Variants in SGCZ observed in about 807,000 individuals in gnomAD.
SGCZ encodes sarcoglycan zeta.
SGCZ carries 40 observed loss-of-function variants against 41.3 expected under a neutral mutation model. That is an observed-to-expected ratio of 0.97 (90% CI 0.75 to 1.26). SGCZ has a LOEUF of 1.26. Ranked by LOEUF, SGCZ falls within the 50% of genes most tolerant of loss-of-function variation. SGCZ has a pLI of 0.00. For synonymous variants in SGCZ, 206 were observed against 137.5 expected, an observed-to-expected ratio of 1.50 and a Z score of -3.49; for missense variants, 552 against 369.8, an observed-to-expected ratio of 1.49 and a Z score of -4.04.
At chr8:14,842,361 C>G (rs1351669535) in intron 1 of SGCZ, among the ~76,000 whole-genome samples, 3 of 130,130 alleles carry the variant, frequency 2.3e-5, no homozygotes, top group Non-Finnish European at 5.0e-5. Flanking sequence ...AGGAAGGAAA[C>G]AAGAAAAAAG....
intron 1 of SGCZ, among the ~76,000 whole-genome samples, chr8:14,594,156 C>T (rs1384830700): frequency 6.6e-6 from 1 of 150,548 alleles, no homozygotes; most frequent in African/African-American, 2.4e-5. Flanking sequence ...GCCTGGGCAA[C>T]AGAGCAAGAC....
At chr8:15,006,070 A>T (rs1261439792) in intron 1 of SGCZ, among the ~76,000 whole-genome samples, 1 of 152,074 alleles carries the variant, frequency 6.6e-6, no homozygotes, top group African/African-American at 2.4e-5. Context: ...GACTAGGCTG[A>T]CTCCACCTGT....
At chr8:14,130,447 T>G (rs1344719560) in intron 5 of SGCZ, among the ~76,000 whole-genome samples, 2 of 152,090 alleles carry the variant, frequency 1.3e-5, no homozygotes, top group Non-Finnish European at 2.9e-5. Flanking sequence ...GTGAGCAAGA[T>G]AGCTGACTAG....
intron 1 of SGCZ, among the ~76,000 whole-genome samples, chr8:14,971,639 T>C (rs1208091066): frequency 7.0e-6 from 1 of 143,682 alleles, no homozygotes; most frequent in African/African-American, 2.6e-5. Flanking sequence ...TTACTCATTT[T>C]ATATACTTTT....
chr8:14,421,929 C>A (rs1799647990), intron 2 of SGCZ, among the ~76,000 whole-genome samples: 1 of 152,048 alleles, frequency 6.6e-6, no homozygotes, highest in Admixed American at 6.6e-5. Context: ...TGGGCCAAGA[C>A]TTTTTTGGCT....
intron 1 of SGCZ, among the ~76,000 whole-genome samples, chr8:14,575,567 C>T (rs189702261): frequency 4.5e-4 from 68 of 152,160 alleles, no homozygotes; most frequent in Non-Finnish European, 8.2e-4. Flanking sequence ...TTTTCATTAA[C>T]AGAAAATGTG....
At chr8:14,620,523 T>A (rs1285622114) in intron 1 of SGCZ, among the ~76,000 whole-genome samples, 1 of 151,828 alleles carries the variant, frequency 6.6e-6, no homozygotes, top group Admixed American at 6.6e-5. Flanking sequence ...TGGGAGAAAA[T>A]TTTTGCAACC....
intron 2 of SGCZ, among the ~76,000 whole-genome samples, chr8:14,402,769 C>T (rs979460993): frequency 9.5e-5 from 14 of 147,534 alleles, no homozygotes; most frequent in South Asian, 2.1e-4. Flanking sequence ...CTTGGCCATG[C>T]GGGCTCTTTT....
chr8:14,789,208 G>C (rs919348778), intron 1 of SGCZ, among the ~76,000 whole-genome samples: 1 of 151,824 alleles, frequency 6.6e-6, no homozygotes, highest in South Asian at 2.1e-4. Context: ...CATCCACCAG[G>C]AGCACAAGAT....
intron 1 of SGCZ, among the ~76,000 whole-genome samples, chr8:14,588,020 C>T (rs189888499): frequency 7.8e-4 from 118 of 151,870 alleles, no homozygotes; most frequent in African/African-American, 2.7e-3. Context: ...AAAAGTTGAG[C>T]GATAATATTA....
chr8:14,163,331 G>A (rs745642548), intron 5 of SGCZ, among the ~76,000 whole-genome samples: 8 of 151,918 alleles, frequency 5.3e-5, no homozygotes, highest in East Asian at 1.9e-4. Flanking sequence ...ACTTCCGCCC[G>A]CTTACAGGCT....
chr8:14,204,480 A>AAGG (rs1341347256), intron 4 of SGCZ, among the ~76,000 whole-genome samples: 1 of 152,114 alleles, frequency 6.6e-6, no homozygotes, highest in Non-Finnish European at 1.5e-5. Flanking sequence ...GCCTTGAAGC[A>AAGG]CGTAAGGTAA....
chr8:14,448,854 C>A (rs530037915), intron 2 of SGCZ, among the ~76,000 whole-genome samples: 138 of 152,302 alleles, frequency 9.1e-4, no homozygotes, highest in Non-Finnish European at 1.4e-3. Flanking sequence ...GATATCTACA[C>A]TGACATAGCT....
intron 1 of SGCZ, among the ~76,000 whole-genome samples, chr8:15,204,823 C>T (rs1801008400): frequency 6.6e-6 from 1 of 152,114 alleles, no homozygotes; most frequent in African/African-American, 2.4e-5. Context: ...TGTTTAACTA[C>T]CACTCTGTCC....
chr8:14,815,203 G>T (rs1424576833), intron 1 of SGCZ, among the ~76,000 whole-genome samples: 1 of 151,072 alleles, frequency 6.6e-6, no homozygotes, highest in Middle Eastern at 3.5e-3. Context: ...AAATTTTTCT[G>T]CAGAATAATT....
At chr8:14,941,920 G>C (rs1014510837) in intron 1 of SGCZ, among the ~76,000 whole-genome samples, 2 of 151,600 alleles carry the variant, frequency 1.3e-5, no homozygotes, top group Middle Eastern at 3.5e-3. Flanking sequence ...GAAGGAAAAA[G>C]TTAAAATATA....
rs147191579 is a variant in SGCZ, at chr8:14,463,208, T to C, written c.234+91524A>G. ...CTGGTTAGAATTTCTAATATTATGTTGAATAATATTAGAATGGAATCTCAT... is the reference window on the plus strand; with the variant it reads ...CTGGTTAGAATTTCTAATATTATGTCGAATAATATTAGAATGGAATCTCAT... On this transcript the variant is annotated intron_variant, in intron 2 of 7. Transcript: ENST00000382080. 4.7e-3 allele frequency among the ~76,000 whole-genome samples: 706 copies of C among 151,398 alleles called. 9 individuals carry two copies. The highest frequency in any genetic ancestry group is 0.016 in the African/African-American group (651 of 41,468).
At chr8:15,189,117 A>G (rs1441195549) in intron 1 of SGCZ, among the ~76,000 whole-genome samples, 1 of 152,168 alleles carries the variant, frequency 6.6e-6, no homozygotes, top group Non-Finnish European at 1.5e-5. Flanking sequence ...TACTTTCACT[A>G]TAACGGTTTT....
chr8:14,795,741 G>C (rs569151351), intron 1 of SGCZ, among the ~76,000 whole-genome samples: 1 of 152,178 alleles, frequency 6.6e-6, no homozygotes, highest in African/African-American at 2.4e-5. Context: ...TTGTCTCATG[G>C]AGGTTTGTTG....
Sources: gnomAD v4.1 joint callset for allele counts (sites outside exome capture counted in the v4.1 genomes callset) on GRCh38, gnomAD v4.1.1 for gene constraint, MANE v1.5 for transcripts, NCBI Gene and HGNC (gene_info 2026-07-23, HGNC 2026-07-21) for gene names.